Variants in PTPRN2 observed in about 807,000 individuals in gnomAD.
The protein encoded by PTPRN2 is receptor-type tyrosine-protein phosphatase N2.
Under a neutral mutation model 118.8 loss-of-function variants are expected in PTPRN2, and 74 were observed. The ratio of observed to expected loss-of-function variants is 0.62; its 90% CI spans 0.52 to 0.76. The LOEUF (loss-of-function observed/expected upper bound fraction) is 0.76, where lower values mean the gene tolerates loss of function less well. Among genes scored for constraint, PTPRN2 ranks in the 30% least tolerant of loss-of-function variants. PTPRN2 has a pLI of 0.00. For synonymous variants in PTPRN2, 641 were observed against 608.0 expected, an observed-to-expected ratio of 1.05 and a Z score of -0.80; for missense variants, 1,481 against 1,394.4, an observed-to-expected ratio of 1.06 and a Z score of -0.99.
At chr7:157,817,270 C>T (rs992158733) in intron 12 of PTPRN2, among the ~76,000 whole-genome samples, 6 of 152,180 alleles carry the variant, frequency 3.9e-5, no homozygotes, top group South Asian at 2.1e-4. Context: ...TTTGCTGGTG[C>T]GCTGGGGGTC....
intron 11 of PTPRN2, among the ~76,000 whole-genome samples, chr7:157,913,335 T>C (rs1798203572): frequency 6.6e-6 from 1 of 152,216 alleles, no homozygotes; most frequent in South Asian, 2.1e-4. Flanking sequence ...TCTGAGTAAA[T>C]AATGAGGCCG....
At chr7:157,673,829 C>T (rs76086212) in intron 13 of PTPRN2, among the ~76,000 whole-genome samples, 10 of 152,308 alleles carry the variant, frequency 6.6e-5, no homozygotes, top group South Asian at 2.1e-4. Flanking sequence ...CCGCCCCACC[C>T]GGCACCCAGG....
intron 13 of PTPRN2, among the ~76,000 whole-genome samples, chr7:157,657,117 TCA>T (rs1363771362): frequency 5.4e-5 from 3 of 55,084 alleles, no homozygotes; most frequent in Non-Finnish European, 1.1e-4. Flanking sequence ...ACCACACACA[TCA>T]CACATATACA....
intron 14 of PTPRN2, among the ~76,000 whole-genome samples, chr7:157,626,146 GA>G (rs1378829275): frequency 4.6e-5 from 7 of 152,330 alleles, no homozygotes; most frequent in African/African-American, 1.7e-4. Context: ...CCTGGCCTCT[GA>G]AATGCCCTGT....
chr7:157,746,342 T>C (rs755392728), intron 12 of PTPRN2, among the ~76,000 whole-genome samples: 5 of 138,916 alleles, frequency 3.6e-5, no homozygotes, highest in Non-Finnish European at 7.7e-5. Context: ...ATCATGGGAT[T>C]CCCTACAACC....
chr7:158,120,491 C>T (rs1164508532), intron 9 of PTPRN2, among the ~76,000 whole-genome samples: 1 of 152,208 alleles, frequency 6.6e-6, no homozygotes, highest in Non-Finnish European at 1.5e-5. Context: ...CTCCTTGTGG[C>T]TCACGGAGAA....
intron 2 of PTPRN2, among the ~76,000 whole-genome samples, chr7:158,409,059 G>A (rs1048936472): frequency 1.3e-5 from 2 of 151,712 alleles, no homozygotes; most frequent in Non-Finnish European, 2.9e-5. Flanking sequence ...AGTGCTTTAT[G>A]TACACAATCA....
chr7:157,660,549 T>C (rs948544884), intron 13 of PTPRN2, among the ~76,000 whole-genome samples: 1 of 152,228 alleles, frequency 6.6e-6, no homozygotes, highest in African/African-American at 2.4e-5. Flanking sequence ...TAAATGGAGA[T>C]AATCCTATAG....
At chr7:158,399,098 G>A (rs554579399) in intron 2 of PTPRN2, among the ~76,000 whole-genome samples, 2 of 152,138 alleles carry the variant, frequency 1.3e-5, no homozygotes, top group Admixed American at 1.3e-4. Flanking sequence ...TATTTGCTTA[G>A]TGTCCATAGT....
At chr7:158,318,861 A>G (rs1206859526) in intron 2 of PTPRN2, among the ~76,000 whole-genome samples, 1 of 152,246 alleles carries the variant, frequency 6.6e-6, no homozygotes, top group Non-Finnish European at 1.5e-5. Flanking sequence ...TTGGTGCCAA[A>G]TATAAGAGAA....
intron 11 of PTPRN2, among the ~76,000 whole-genome samples, chr7:158,072,250 T>C (rs1157549485): frequency 6.6e-6 from 1 of 152,180 alleles, no homozygotes; most frequent in Non-Finnish European, 1.5e-5. Flanking sequence ...AATGCTGTCC[T>C]GGCCGATAAG....
At chr7:157,807,304 C>T (rs1033251296) in intron 12 of PTPRN2, among the ~76,000 whole-genome samples, 1 of 152,180 alleles carries the variant, frequency 6.6e-6, no homozygotes, top group Admixed American at 6.5e-5. Flanking sequence ...ACAAGGAAAT[C>T]CCGGCCCATT....
intron 3 of PTPRN2, among the ~76,000 whole-genome samples, chr7:158,219,710 G>A (rs1039422186): frequency 5.3e-5 from 8 of 151,764 alleles, no homozygotes; most frequent in African/African-American, 1.2e-4. Context: ...AAATGACAAC[G>A]GTGATATTAC....
intron 12 of PTPRN2, among the ~76,000 whole-genome samples, chr7:157,770,842 C>T (rs895230904): frequency 2.0e-5 from 3 of 152,174 alleles, no homozygotes; most frequent in African/African-American, 7.2e-5. Flanking sequence ...AGACCTCTGT[C>T]CTCCCCACCT....
At chr7:157,797,139 A>T (rs1395217808) in intron 12 of PTPRN2, among the ~76,000 whole-genome samples, 1 of 152,148 alleles carries the variant, frequency 6.6e-6, no homozygotes, top group African/African-American at 2.4e-5. Context: ...GTCATCCCGG[A>T]TTTATCACTA....
In PTPRN2 at chr7:158,387,130, C is replaced by T. The variant is rs1387712929; in HGVS notation, c.164-70198G>A. On this transcript the variant is annotated intron_variant, in intron 2 of 22. Coordinates refer to ENST00000389418, the MANE Select transcript of PTPRN2 (RefSeq NM_002847.5). The stretch of plus-strand genomic sequence containing the variant: ...CTGAGGCCAAACCGGGACCCAGATC[C>T]CCAGGAGGCTGGGAAAGTCCTGCCC... Among the ~76,000 whole-genome samples, 6 of 152,202 alleles carry T rather than the reference C, an allele frequency of 3.9e-5. 1 individual carries two copies. In the South Asian group the frequency reaches 1.0e-3, roughly 26 times the overall value.
At chr7:158,406,482 G>A in intron 2 of PTPRN2, among the ~76,000 whole-genome samples, 1 of 152,354 alleles carries the variant, frequency 6.6e-6, no homozygotes, top group African/African-American at 2.4e-5. Flanking sequence ...TGAGACATGT[G>A]GCTGCACACT....
intron 2 of PTPRN2, among the ~76,000 whole-genome samples, chr7:158,341,819 A>G (rs1336436595): frequency 2.3e-4 from 26 of 113,558 alleles, no homozygotes; most frequent in Middle Eastern, 7.4e-3. Context: ...AAGAGGTGAC[A>G]CCAGCAGACG....
intron 17 of PTPRN2, 49 bp downstream of exon 17, chr7:157,595,189 A>G: frequency 1.9e-6 from 3 of 1,555,282 alleles, no homozygotes; most frequent in Non-Finnish European, 2.7e-6. Flanking sequence ...TGACCCAGTT[A>G]TTGAGATCTT....
Sources: allele counts gnomAD v4.1 joint callset (sites outside exome capture counted in the v4.1 genomes callset), GRCh38; gene constraint gnomAD v4.1.1; transcripts MANE v1.5; gene names NCBI Gene and HGNC (gene_info 2026-07-23, HGNC 2026-07-21).